ABCB9: variants seen among roughly 807,000 people sequenced by gnomAD.
ABCB9 encodes ABC-type oligopeptide transporter ABCB9.
In ABCB9, 36 loss-of-function variants were observed where a neutral mutation model predicts 62.0. That is an observed-to-expected ratio of 0.58 (90% CI 0.45 to 0.77). ABCB9 has a LOEUF of 0.77. Among genes scored for constraint, ABCB9 ranks in the 30% least tolerant of loss-of-function variants. ABCB9 has a pLI of 0.00. For synonymous variants in ABCB9, 435 were observed against 461.4 expected (o/e 0.94, Z 0.73); for missense variants, 943 against 1,054.7 (o/e 0.89, Z 1.47).
Position 122,949,817 on chromosome 12 carries a change from T to C in ABCB9, c.818A>G (p.Glu273Gly), listed in dbSNP as rs756740543. 13 of 1,614,204 alleles carry C rather than the reference T, an allele frequency of 8.1e-6. No homozygotes were observed. The highest frequency in any genetic ancestry group is 1.1e-5 in the Non-Finnish European group (13 of 1,180,010). ...GCGGTTCTCATCAAAGAAGCTTGTC[T>C]CCTGGGACACCAGTGAGCGGAAGAG... ...NCLFRSLVSQETSFFDENRTG... is the reference protein window; with the variant it reads ...NCLFRSLVSQGTSFFDENRTG... Residue 273 changes from glutamate (E) to glycine (G), a missense_variant, in exon 4 of 12, where the codon GAG (glutamate) becomes GGG (glycine). Transcript: ENST00000280560.
downstream of ABCB9, among the ~76,000 whole-genome samples, chr12:122,927,631 CA>C (rs2034943532): frequency 6.6e-6 from 1 of 152,204 alleles, no homozygotes; most frequent in Non-Finnish European, 1.5e-5. Flanking sequence ...CTGGAATTCT[CA>C]GCCTGAAAGT....
At chr12:122,954,637 C>A (rs553629926) in intron 2 of ABCB9, among the ~76,000 whole-genome samples, 12 of 152,230 alleles carry the variant, frequency 7.9e-5, no homozygotes, top group African/African-American at 2.6e-4. Context: ...GGATTACAGG[C>A]GTGTGCCACC....
chr12:122,927,178 CT>C (rs879257017), downstream of ABCB9, among the ~76,000 whole-genome samples: 166 of 145,874 alleles, frequency 1.1e-3, no homozygotes, highest in Middle Eastern at 0.011. Context: ...CAAAATTAAA[CT>C]TTTTTTTTTT....
At chr12:122,971,499 G>C (rs1256670593), upstream of ABCB9, among the ~76,000 whole-genome samples, 2 of 151,948 alleles carry the variant, frequency 1.3e-5, no homozygotes, top group African/African-American at 4.8e-5. Flanking sequence ...CTGTCACCCA[G>C]GCTGGGGTTC....
chr12:122,972,426 C>T (rs902524612), intron 1 of ABCB9, among the ~76,000 whole-genome samples: 8 of 152,256 alleles, frequency 5.3e-5, no homozygotes, highest in African/African-American at 1.9e-4. Context: ...AGAAAAATAA[C>T]AGGGGCGCTT....
At position 122,940,202 on chromosome 12, in the gene ABCB9, A is replaced by T. The variant is rs116742318; in HGVS notation, c.1652T>A (p.Ile551Asn). 1 of 1,613,548 alleles carries T rather than the reference A, an allele frequency of 6.2e-7. No individual in the cohort carries two copies. Among genetic ancestry groups the T allele is most frequent in the Non-Finnish European group, 8.5e-7 (1 of 1,179,764 alleles). Residue 551 changes from isoleucine (I) to asparagine (N), a missense_variant, in exon 9 of 12, where the codon ATC (isoleucine) becomes AAC (asparagine). Physicochemically the swap from Ile to Asn is moderately radical, Grantham distance 149. Transcript: ENST00000280560. The surrounding 1 kb of genome is among the most constrained non-coding windows in gnomAD (Gnocchi z 4.8). ...CTCCAGGGGGTAGAAGTTCTCCAGG[A>T]TGTTGACACAGGAGCTCTTCCCACT... The part of the protein sequence containing the change: ...SGSGKSSCVN[I>N]LENFYPLEGG...
At position 122,947,060 on chromosome 12, in the gene ABCB9, G is replaced by A. The variant is rs1035240222; in HGVS notation, c.1054-838C>T. On this transcript the variant is annotated intron_variant, in intron 5 of 11. Coordinates refer to ENST00000280560, the MANE Select transcript of ABCB9 (RefSeq NM_019625.4). The surrounding 1 kb of genome is among the most constrained non-coding windows in gnomAD (Gnocchi z 6.0). The stretch of plus-strand genomic sequence containing the variant: ...GTGTGGTTTGTGGAGATGACTCGCT[G>A]GCTACACACAACACATTCAGGCATG... Among the ~76,000 whole-genome samples, 6 of 152,194 alleles carry A rather than the reference G, an allele frequency of 3.9e-5. No homozygotes were observed.
At chr12:122,941,097 T>C in intron 7 of ABCB9, 102 bp from the exon 8 acceptor site, 1 of 1,345,354 alleles carries the variant, frequency 7.4e-7, no homozygotes, top group Non-Finnish European at 9.9e-7. Flanking sequence ...CAAGGAGTTC[T>C]GGCGGGGAGA....
chr12:122,959,615 T>G lies in ABCB9; in HGVS notation c.601+20A>C, dbSNP rs1335168621. The G allele has an allele frequency of 4.6e-6, 7 of 1,523,274 alleles. No individual in the cohort carries two copies. The highest frequency in any genetic ancestry group is 6.2e-6 in the Non-Finnish European group (7 of 1,135,156). The allele number at this position is 1,523,274 out of a possible 1,614,324, so 94.4% of individuals were successfully genotyped here. A position where few individuals can be genotyped will look rare whatever the true frequency, so the allele number is the denominator to read the frequency against. Reference sequence around the variant, plus strand: ...AATTTGATGTTCTGGTGGCCACATGTCCCCGAGGTCCTTACTTACCCAGAG... The same window carrying G: ...AATTTGATGTTCTGGTGGCCACATGGCCCCGAGGTCCTTACTTACCCAGAG... On this transcript the variant is annotated intron_variant, in intron 2 of 11. Coordinates refer to ENST00000280560, the MANE Select transcript of ABCB9 (RefSeq NM_019625.4). The surrounding 1 kb of genome is among the most constrained non-coding windows in gnomAD (Gnocchi z 5.4).
chr12:122,961,689 G>C (rs1254869639), intron 1 of ABCB9, among the ~76,000 whole-genome samples: 2 of 152,154 alleles, frequency 1.3e-5, no homozygotes, highest in African/African-American at 4.8e-5. Flanking sequence ...AGAGAGGGTG[G>C]GGAGTATCTG....
intron 1 of ABCB9, among the ~76,000 whole-genome samples, chr12:122,960,777 G>T (rs1407229189): frequency 4.1e-5 from 6 of 148,126 alleles, no homozygotes; most frequent in African/African-American, 1.2e-4. Context: ...AAAAAAAAAA[G>T]ATAATAAGGA....
chr12:122,944,549 G>C lies in ABCB9; in HGVS notation c.1252-30C>G, dbSNP rs1413835264. The C allele has an allele frequency of 2.5e-6, 4 of 1,610,640 alleles. No homozygotes were observed. The African/African-American group carries it at 5.3e-5, about 22-fold the overall frequency. On this transcript the variant is annotated intron_variant, in intron 6 of 11. Coordinates refer to ENST00000280560, the MANE Select transcript of ABCB9 (RefSeq NM_019625.4). This position sits in a 1 kb window ranked among gnomAD's most constrained non-coding sequence, Gnocchi z 4.9. ...GGCAGAGGGAGAGGGGATGTGGGTC[G>C]AGGGGACCTTAGATCCCCCACCATC...
chr12:122,948,436 C>T (rs955756654), intron 5 of ABCB9, 188 bp downstream of exon 5: 12 of 570,462 alleles, frequency 2.1e-5, no homozygotes, highest in Non-Finnish European at 3.5e-5. Flanking sequence ...TGATGTATCC[C>T]AGTGCCTGGG....
chr12:122,923,465 A>G (rs1431297145), intron 11 of ABCB9, among the ~76,000 whole-genome samples: 2 of 151,364 alleles, frequency 1.3e-5, no homozygotes, highest in Non-Finnish European at 2.9e-5. Context: ...TTTTTTTTGT[A>G]TTTTTAGTAG....
At chr12:122,962,677 T>A (rs1367632393) in intron 1 of ABCB9, among the ~76,000 whole-genome samples, 1 of 152,186 alleles carries the variant, frequency 6.6e-6, no homozygotes, top group Non-Finnish European at 1.5e-5. Flanking sequence ...TCTCCACCTG[T>A]CTACTGCATG....
At chr12:122,962,649 A>T (rs941043309) in intron 1 of ABCB9, among the ~76,000 whole-genome samples, 2 of 152,238 alleles carry the variant, frequency 1.3e-5, no homozygotes, top group Non-Finnish European at 2.9e-5. Context: ...CAGTGAGTGT[A>T]GGACCCCAGC....
chr12:122,940,840 G>A lies in ABCB9; in HGVS notation c.1536C>T (p.Thr512=). 6.2e-7 allele frequency: 1 copy of A among 1,606,084 alleles called. No homozygotes were observed. The highest frequency in any genetic ancestry group is 1.1e-5 in the South Asian group (1 of 90,478). Residue 512 remains threonine (T), a synonymous_variant, in exon 8 of 12, where the codon ACC becomes ACT. Transcript: ENST00000280560. This position sits in a 1 kb window ranked among gnomAD's most constrained non-coding sequence, Gnocchi z 4.8. ...GRVDFENVTF[T]YRTRPHTQVL... Reference sequence around the variant, plus strand: ...CCTGGGTGTGGGGCCGAGTGCGGTAGGTGAAGGTCACATTCTCAAAGTCCA... The same window carrying A: ...CCTGGGTGTGGGGCCGAGTGCGGTAAGTGAAGGTCACATTCTCAAAGTCCA...
rs1278127022 is a variant in ABCB9 at position 122,930,630 on chromosome 12, G to A, written c.2041-459C>T. On this transcript the variant is annotated intron_variant, in intron 11 of 11. Transcript: ENST00000280560. This position sits in a 1 kb window ranked among gnomAD's most constrained non-coding sequence, Gnocchi z 4.9. ...TCACCATGTTGGCCAGACTGGTCTC[G>A]AACACCTGACTTTGTGATCCGCCTG... is the stretch of plus-strand genomic sequence containing the variant. Among the ~76,000 whole-genome samples, 3 of 151,874 alleles carry A rather than the reference G, an allele frequency of 2.0e-5. No homozygotes were observed. The highest frequency in any genetic ancestry group is 7.3e-5 in the African/African-American group (3 of 41,346).
At chr12:122,924,052 A>G (rs1462678828), downstream of ABCB9, among the ~76,000 whole-genome samples, 2 of 152,162 alleles carry the variant, frequency 1.3e-5, no homozygotes, top group African/African-American at 4.8e-5. Flanking sequence ...ACCCCAAGTC[A>G]CTTCAGAGAC....
Sources: gnomAD v4.1 joint callset for allele counts (sites outside exome capture counted in the v4.1 genomes callset) on GRCh38, gnomAD v4.1.1 for gene constraint, Gnocchi (gnomAD v3.1) non-coding constraint, MANE v1.5 for transcripts, NCBI Gene and HGNC (gene_info 2026-07-23, HGNC 2026-07-21) for gene names.